The following PEAK1 variants were observed in gnomAD, a reference collection of about 807,000 sequenced individuals.
The protein encoded by PEAK1 is inactive tyrosine-protein kinase PEAK1.
PEAK1 carries 54 observed loss-of-function variants against 124.7 expected under a neutral mutation model. That is an observed-to-expected ratio of 0.43 (90% CI 0.35 to 0.54). The LOEUF (loss-of-function observed/expected upper bound fraction) is 0.54, where lower values mean the gene tolerates loss of function less well. PEAK1 is among the 20% of genes least tolerant of loss of function. The pLI is 0.01. For missense variants in PEAK1, 2,046 were observed against 2,134.5 expected, an observed-to-expected ratio of 0.96 and a Z score of 0.82; for synonymous variants, 719 against 760.0, an observed-to-expected ratio of 0.95 and a Z score of 0.89.
At chr15:77,313,034 C>T (rs943481657) in intron 2 of PEAK1, among the ~76,000 whole-genome samples, 25 of 152,116 alleles carry the variant, frequency 1.6e-4, no homozygotes, top group African/African-American at 6.0e-4. Context: ...AAAATAATAT[C>T]TAGATTTTGG....
chr15:77,310,732 C>T (rs946479718), intron 2 of PEAK1, among the ~76,000 whole-genome samples: 3 of 152,282 alleles, frequency 2.0e-5, no homozygotes, highest in African/African-American at 7.2e-5. Flanking sequence ...GAAAGTAAAA[C>T]ATACAACAAA....
chr15:77,229,450 A>T (rs1289453308), intron 6 of PEAK1, among the ~76,000 whole-genome samples: 2 of 152,144 alleles, frequency 1.3e-5, no homozygotes, highest in Non-Finnish European at 2.9e-5. Flanking sequence ...CTGCCATCTT[A>T]AAGCAGAATT....
chr15:77,414,124 G>A (rs1208214550), intron 1 of PEAK1, among the ~76,000 whole-genome samples: 1 of 90,002 alleles, frequency 1.1e-5, no homozygotes, highest in Non-Finnish European at 3.0e-5. Flanking sequence ...CACCCAGCCT[G>A]CATTTTCTTT....
chr15:77,145,056 A>G (rs1161990010), intron 8 of PEAK1, among the ~76,000 whole-genome samples: 2 of 152,228 alleles, frequency 1.3e-5, no homozygotes, highest in Non-Finnish European at 2.9e-5. Flanking sequence ...TGCTAAAAAC[A>G]TTCTTTTGGA....
chr15:77,313,181 C>T (rs1035519406), intron 2 of PEAK1, among the ~76,000 whole-genome samples: 6 of 152,176 alleles, frequency 3.9e-5, no homozygotes, highest in Middle Eastern at 3.4e-3. Flanking sequence ...TAAATACACA[C>T]ACAAAATATG....
intron 2 of PEAK1, chr15:77,349,403 G>C: frequency 3.1e-6 from 3 of 979,682 alleles, no homozygotes; most frequent in Non-Finnish European, 3.6e-6. Context: ...TTGTATTTAA[G>C]AGAGTCAATC....
At chr15:77,368,886 A>G (rs1235207772) in intron 1 of PEAK1, among the ~76,000 whole-genome samples, 6 of 152,216 alleles carry the variant, frequency 3.9e-5, no homozygotes, top group Admixed American at 3.9e-4. Context: ...ATACACATGA[A>G]GCAAAAGAGA....
intron 6 of PEAK1, among the ~76,000 whole-genome samples, chr15:77,205,787 A>G (rs2058612299): frequency 6.6e-6 from 1 of 152,106 alleles, no homozygotes; most frequent in Non-Finnish European, 1.5e-5. Flanking sequence ...CCAAATTTTA[A>G]GCTGGGAAGT....
At chr15:77,383,131 C>G (rs934440297) in intron 1 of PEAK1, among the ~76,000 whole-genome samples, 1 of 150,172 alleles carries the variant, frequency 6.7e-6, no homozygotes, top group African/African-American at 2.5e-5. Context: ...TCAAGCAAGT[C>G]TCCTTTCTCA....
chr15:77,168,262 C>CACAT (rs1445006261), intron 7 of PEAK1, among the ~76,000 whole-genome samples: 64 of 151,868 alleles, frequency 4.2e-4, no homozygotes, highest in African/African-American at 1.5e-3. Context: ...CACACACACA[C>CACAT]ACATATTAAT....
chr15:77,174,079 A>C (rs980900051), intron 7 of PEAK1, among the ~76,000 whole-genome samples: 2 of 152,188 alleles, frequency 1.3e-5, no homozygotes, highest in Non-Finnish European at 2.9e-5. Flanking sequence ...AGTTCAACCC[A>C]AGCCCGTTAT....
chr15:77,211,848 CAAAAAAAAAAA>C (rs34360713), intron 6 of PEAK1, among the ~76,000 whole-genome samples: 1 of 49,776 alleles, frequency 2.0e-5, no homozygotes, highest in African/African-American at 7.7e-5. Context: ...AACTCCATCT[CAAAAAAAAAAA>C]AAAAAAAAAA....
At chr15:77,329,504 T>C (rs1239414874) in intron 2 of PEAK1, among the ~76,000 whole-genome samples, 3 of 152,202 alleles carry the variant, frequency 2.0e-5, no homozygotes, top group Non-Finnish European at 2.9e-5. Flanking sequence ...TCTGGACCAC[T>C]AGACCTCACA....
chr15:77,254,806 CAGTGTTCTA>C (rs2061050637), intron 5 of PEAK1, among the ~76,000 whole-genome samples: 1 of 152,162 alleles, frequency 6.6e-6, no homozygotes, highest in Non-Finnish European at 1.5e-5. Context: ...GTGTGAAAGG[CAGTGTTCTA>C]AGTAGTAGAG....
intron 8 of PEAK1, among the ~76,000 whole-genome samples, chr15:77,138,511 T>G (rs1365398334): frequency 6.6e-6 from 1 of 152,242 alleles, no homozygotes; most frequent in African/African-American, 2.4e-5. Flanking sequence ...ACTTTATAAA[T>G]TTTGTTTAAC....
rs890408923 is a variant in PEAK1 at position 77,351,420 on chromosome 15, G to A, written c.-603+13743C>T. Among the ~76,000 whole-genome samples the A allele has an allele frequency of 6.6e-5, 10 of 152,256 alleles. No homozygotes were observed. In the South Asian group the frequency reaches 2.1e-3, roughly 32 times the overall value. On this transcript the variant is annotated intron_variant, in intron 2 of 9. Transcript: ENST00000682557. The stretch of plus-strand genomic sequence containing the variant: ...CAGGAAAATATGGTCTGGAGGCAGG[G>A]AACATAAAGCCAATTTACACTTCAG...
intron 2 of PEAK1, among the ~76,000 whole-genome samples, chr15:77,329,314 T>G (rs187598270): frequency 3.7e-4 from 56 of 152,296 alleles, no homozygotes; most frequent in African/African-American, 1.3e-3. Flanking sequence ...GGACTCAACC[T>G]TACCACTGAA....
At chr15:77,408,468 G>A (rs959962697) in intron 1 of PEAK1, among the ~76,000 whole-genome samples, 5 of 151,572 alleles carry the variant, frequency 3.3e-5, no homozygotes, top group African/African-American at 1.2e-4. Context: ...AAAAATCTCA[G>A]AAATCACCAC....
At chr15:77,115,831 T>A (rs2051320977) in intron 9 of PEAK1, among the ~76,000 whole-genome samples, 1 of 151,998 alleles carries the variant, frequency 6.6e-6, no homozygotes, top group Non-Finnish European at 1.5e-5. Flanking sequence ...CTTAGGAGAG[T>A]GATATAACAT....
Sources: allele counts gnomAD v4.1 joint callset (sites outside exome capture counted in the v4.1 genomes callset), GRCh38; gene constraint gnomAD v4.1.1; transcripts MANE v1.5; gene names NCBI Gene and HGNC (gene_info 2026-07-23, HGNC 2026-07-21).